Variants in COP1 observed in about 807,000 individuals in gnomAD.
COP1 encodes E3 ubiquitin-protein ligase COP1.
Under a neutral mutation model 101.3 loss-of-function variants are expected in COP1, and 24 were observed. The ratio of observed to expected loss-of-function variants is 0.24; its 90% CI spans 0.17 to 0.33. COP1 has a LOEUF of 0.33. Among genes scored for constraint, COP1 ranks in the 10% least tolerant of loss-of-function variants. COP1 has a pLI of 1.00. For synonymous variants in COP1, 347 were observed against 341.9 expected, an observed-to-expected ratio of 1.01 and a Z score of -0.17; for missense variants, 663 against 906.2, an observed-to-expected ratio of 0.73 and a Z score of 3.45.
At chr1:175,974,082 A>C (rs1319114721) in intron 18 of COP1, among the ~76,000 whole-genome samples, 1 of 152,214 alleles carries the variant, frequency 6.6e-6, no homozygotes, top group South Asian at 2.1e-4. Flanking sequence ...TTGGGGAAAC[A>C]CTAACAGATT....
chr1:176,079,028 T>C (rs866046888), intron 11 of COP1, among the ~76,000 whole-genome samples: 1 of 152,272 alleles, frequency 6.6e-6, no homozygotes. Context: ...AATGCTTACA[T>C]GCTGTTGCTA....
chr1:176,087,693 GT>G (rs1347863997), intron 9 of COP1, among the ~76,000 whole-genome samples: 1 of 152,224 alleles, frequency 6.6e-6, no homozygotes, highest in Non-Finnish European at 1.5e-5. Context: ...GGAAGACAAT[GT>G]GGCGATTCCT....
chr1:176,206,333 A>G, intron 1 of COP1: 1 of 531,318 alleles, frequency 1.9e-6, no homozygotes, highest in Non-Finnish European at 3.3e-6. Flanking sequence ...CTTCCTCCTC[A>G]GCAACACTTA....
chr1:176,081,425 C>A, intron 10 of COP1, 138 bp from the exon 11 acceptor site: 1 of 602,656 alleles, frequency 1.7e-6, no homozygotes, highest in Non-Finnish European at 2.6e-6. Context: ...GACTAGTTTA[C>A]ACAATTTAAT....
chr1:175,972,876 A>C (rs1330145939), intron 18 of COP1, among the ~76,000 whole-genome samples: 1 of 152,210 alleles, frequency 6.6e-6, no homozygotes, highest in Non-Finnish European at 1.5e-5. Flanking sequence ...CTTGTTGCCC[A>C]GGCTGGAGTG....
chr1:176,115,610 G>A (rs539440232), intron 9 of COP1, among the ~76,000 whole-genome samples: 10 of 151,980 alleles, frequency 6.6e-5, no homozygotes, highest in African/African-American at 2.2e-4. Context: ...TTAGCTGGGC[G>A]TGGTGGCGCG....
chr1:176,073,915 C>T (rs1316350024), intron 11 of COP1, among the ~76,000 whole-genome samples: 2 of 152,180 alleles, frequency 1.3e-5, no homozygotes, highest in Admixed American at 1.3e-4. Flanking sequence ...CCAAATTCAA[C>T]ATTATCTGCC....
chr1:176,155,517 A>G (rs1324339643), intron 5 of COP1, among the ~76,000 whole-genome samples: 1 of 152,012 alleles, frequency 6.6e-6, no homozygotes, highest in Non-Finnish European at 1.5e-5. Flanking sequence ...CATTATAACA[A>G]CATATGACTA....
intron 18 of COP1, among the ~76,000 whole-genome samples, chr1:175,966,181 G>C (rs533637933): frequency 1.3e-5 from 2 of 151,924 alleles, no homozygotes; most frequent in Non-Finnish European, 2.9e-5. Context: ...ATCAATAAAA[G>C]GTCTTGGTCT....
At chr1:176,116,521 T>C in intron 9 of COP1, 103 bp downstream of exon 9, 2 of 888,616 alleles carry the variant, frequency 2.3e-6, no homozygotes, top group Non-Finnish European at 3.6e-6. Flanking sequence ...GCATTCAAAA[T>C]GGTTGTCTTT....
Position 176,067,560 on chromosome 1 carries a change from G to A in COP1, c.1277+13592C>T, listed in dbSNP as rs552107909. Among the ~76,000 whole-genome samples, 388 of 152,136 alleles carry A rather than the reference G, an allele frequency of 2.6e-3. 2 individuals are homozygous for A. The highest frequency in any genetic ancestry group is 9.0e-3 in the African/African-American group (372 of 41,478). ...TTGGAAGAGAGCCTGGCCACTGAGCGGCCCGACTCCAGGGGAAACCCACTT... is the reference window on the plus strand; with the variant it reads ...TTGGAAGAGAGCCTGGCCACTGAGCAGCCCGACTCCAGGGGAAACCCACTT... On this transcript the variant is annotated intron_variant, in intron 11 of 19. Transcript: ENST00000367669.
chr1:176,092,099 A>G (rs1034323621), intron 9 of COP1, among the ~76,000 whole-genome samples: 1 of 152,182 alleles, frequency 6.6e-6, no homozygotes, highest in Non-Finnish European at 1.5e-5. Context: ...AGAGAAGTGG[A>G]CAAACCTATT....
chr1:176,090,586 A>C (rs1681092321), intron 9 of COP1, among the ~76,000 whole-genome samples: 1 of 152,202 alleles, frequency 6.6e-6, no homozygotes. Flanking sequence ...GGGAAAGAGG[A>C]GGACAATACC....
chr1:176,133,837 A>T, intron 8 of COP1: 1 of 454,052 alleles, frequency 2.2e-6, no homozygotes, highest in Admixed American at 2.4e-5. Context: ...TCTTCCCTGT[A>T]TGTACTTACA....
At chr1:175,973,582 A>C (rs192795826) in intron 18 of COP1, among the ~76,000 whole-genome samples, 25 of 152,330 alleles carry the variant, frequency 1.6e-4, no homozygotes, top group South Asian at 4.1e-4. Context: ...ACTTTGTAAG[A>C]CTTAAGAGTT....
chr1:175,990,465 G>C (rs1190104526), intron 15 of COP1, among the ~76,000 whole-genome samples: 1 of 152,150 alleles, frequency 6.6e-6, no homozygotes. Context: ...TGCTTCTACT[G>C]TTGGCTGAAG....
At position 176,043,279 on chromosome 1, in the gene COP1, A is replaced by T; in HGVS notation, c.1531-12T>A. 6 of 1,550,708 alleles carry T rather than the reference A, an allele frequency of 3.9e-6. No homozygotes were observed. The highest frequency in any genetic ancestry group is 5.3e-6 in the Non-Finnish European group (6 of 1,123,052). On this transcript the variant is annotated splice_polypyrimidine_tract_variant and intron_variant, in intron 13 of 19. Transcript: ENST00000367669. ...CTCTTCTCATGCTCCTGGAAGCAGA[A>T]AGAAGACAGTAGCCTCAGATAGAAT...
intron 9 of COP1, among the ~76,000 whole-genome samples, chr1:176,094,632 G>A (rs1681997923): frequency 6.8e-6 from 1 of 147,952 alleles, no homozygotes; most frequent in African/African-American, 2.5e-5. Flanking sequence ...TTTCACCACA[G>A]CAAAAACAGA....
chr1:175,974,634 G>C (rs545142612), intron 18 of COP1, among the ~76,000 whole-genome samples: 2 of 152,252 alleles, frequency 1.3e-5, no homozygotes, highest in African/African-American at 4.8e-5. Flanking sequence ...TCAGTGAAGA[G>C]ATTATGAGAA....
Sources: gnomAD v4.1 joint callset for allele counts (sites outside exome capture counted in the v4.1 genomes callset) on GRCh38, gnomAD v4.1.1 for gene constraint, MANE v1.5 for transcripts, NCBI Gene and HGNC (gene_info 2026-07-23, HGNC 2026-07-21) for gene names.